Variants in ZFHX3 observed in about 807,000 individuals in gnomAD.
The protein encoded by ZFHX3 is zinc finger homeobox protein 3.
Under a neutral mutation model 279.1 loss-of-function variants are expected in ZFHX3, and 42 were observed. That is an observed-to-expected ratio of 0.15 (90% CI 0.12 to 0.19). The LOEUF is 0.19. Among genes scored for constraint, ZFHX3 ranks in the 10% least tolerant of loss-of-function variants. ZFHX3 has a pLI of 1.00. For synonymous variants in ZFHX3, 2,293 were observed against 1,957.8 expected, an observed-to-expected ratio of 1.17 and a Z score of -4.52; for missense variants, 4,981 against 4,754.0, an observed-to-expected ratio of 1.05 and a Z score of -1.40.
At chr16:73,443,622 T>A (rs1421110198) in intron 3 of ZFHX3, among the ~76,000 whole-genome samples, 1 of 152,212 alleles carries the variant, frequency 6.6e-6, no homozygotes, top group Non-Finnish European at 1.5e-5. Context: ...TTCCTTCTCT[T>A]TCCCATTCCC....
chr16:73,857,572 C>T (rs2142386374), intron 1 of ZFHX3, among the ~76,000 whole-genome samples: 1 of 152,292 alleles, frequency 6.6e-6, no homozygotes, highest in South Asian at 2.1e-4. Flanking sequence ...GTTTGTTCTA[C>T]ACTGAAGTCT....
At chr16:73,062,894 C>G (rs1386675438), upstream of ZFHX3, among the ~76,000 whole-genome samples, 2 of 152,252 alleles carry the variant, frequency 1.3e-5, no homozygotes, top group Non-Finnish European at 2.9e-5. Flanking sequence ...GTACGTGTTG[C>G]AGTCCTTTCA....
chr16:73,428,819 C>T (rs181270635), intron 3 of ZFHX3, among the ~76,000 whole-genome samples: 1 of 152,100 alleles, frequency 6.6e-6, no homozygotes, highest in Non-Finnish European at 1.5e-5. Flanking sequence ...GGTCTGAGGC[C>T]CTTCTATAAG....
At chr16:73,870,581 C>A (rs1962135977) in intron 1 of ZFHX3, among the ~76,000 whole-genome samples, 1 of 152,160 alleles carries the variant, frequency 6.6e-6, no homozygotes, top group Non-Finnish European at 1.5e-5. Context: ...CAAGACTTGA[C>A]TAGGAAAATG....
rs144060509 is a variant in ZFHX3 at position 73,352,099 on chromosome 16, C to A, written c.-1290-33763G>T. On this transcript the variant is annotated intron_variant, in intron 3 of 17. Transcript: ENST00000641206. ...TCACTTCCATTCAGACTGAGAGAAA[C>A]TTACATATTTCTTTCAGTCTGGGGA... 4.7e-4 allele frequency among the ~76,000 whole-genome samples: 71 copies of A among 152,294 alleles called. 1 individual carries two copies. The highest frequency in any genetic ancestry group is 1.6e-3 in the African/African-American group (67 of 41,560).
At chr16:73,627,469 T>A (rs1567536684) in intron 2 of ZFHX3, among the ~76,000 whole-genome samples, 1 of 152,240 alleles carries the variant, frequency 6.6e-6, no homozygotes, top group Non-Finnish European at 1.5e-5. Flanking sequence ...GCTCAAAGAC[T>A]GACTGATCAG....
chr16:73,821,262 G>C (rs543126470), intron 1 of ZFHX3, among the ~76,000 whole-genome samples: 8 of 152,326 alleles, frequency 5.3e-5, no homozygotes, highest in South Asian at 2.1e-4. Context: ...ATCAGCTGTT[G>C]TTCTTCCCCA....
chr16:73,355,245 T>TTCTTC (rs1389991891), intron 3 of ZFHX3, among the ~76,000 whole-genome samples: 1 of 152,228 alleles, frequency 6.6e-6, no homozygotes, highest in African/African-American at 2.4e-5. Flanking sequence ...TTTCTGCCTT[T>TTCTTC]TCTTCTCTTC....
intron 2 of ZFHX3, among the ~76,000 whole-genome samples, chr16:73,509,521 CTTTTTTTTTTTT>C (rs531436437): frequency 1.7e-4 from 18 of 102,962 alleles, no homozygotes; most frequent in African/African-American, 6.2e-4. Flanking sequence ...TTTCCCTCTC[CTTTTTTTTTTTT>C]TTTTTTTTTT....
intron 5 of ZFHX3, among the ~76,000 whole-genome samples, chr16:73,252,910 A>G (rs1254298294): frequency 6.6e-6 from 1 of 152,218 alleles, no homozygotes; most frequent in Non-Finnish European, 1.5e-5. Flanking sequence ...CCGGAGTCCA[A>G]AGAGAGGGGA....
At chr16:73,473,907 C>A (rs1033786381) in intron 2 of ZFHX3, among the ~76,000 whole-genome samples, 3 of 152,076 alleles carry the variant, frequency 2.0e-5, no homozygotes, top group African/African-American at 4.8e-5. Context: ...GTTGGCCAGG[C>A]CTGCTCCCTT....
intron 4 of ZFHX3, among the ~76,000 whole-genome samples, chr16:73,306,831 C>A (rs1408632689): frequency 2.0e-5 from 3 of 152,220 alleles, no homozygotes; most frequent in Non-Finnish European, 2.9e-5. Context: ...GTTCTACCCA[C>A]AGCCAATGCT....
chr16:73,627,904 C>A (rs1342642859), intron 2 of ZFHX3, among the ~76,000 whole-genome samples: 1 of 152,056 alleles, frequency 6.6e-6, no homozygotes, highest in Non-Finnish European at 1.5e-5. Flanking sequence ...GGCGACAGAG[C>A]AAGACTCCAT....
In ZFHX3 at chr16:72,798,179, A is replaced by C; in HGVS notation, c.4503T>G (p.Asp1501Glu). 2.5e-6 allele frequency: 4 copies of C among 1,614,136 alleles called. No individual in the cohort carries two copies. The highest frequency in any genetic ancestry group is 3.4e-6 in the Non-Finnish European group (4 of 1,180,036). The change falls in exon 9 of 10, where the codon GAT becomes GAG. Residue 1501 changes from aspartate to glutamate, a missense_variant. This residue lies in a region of ZFHX3 where 1,751 missense variants were observed against 1,770.0 expected (regional missense o/e 0.99). Coordinates refer to ENST00000268489, the MANE Select transcript of ZFHX3 (RefSeq NM_006885.4). The part of the protein sequence containing the change: ...EDKEEESDLE[D>E]KQSPTGSDSG... ...AGTCACTGCCCGTTGGGCTCTGTTT[A>C]TCTTCCAAGTCACTCTCTTCCTCCT... is the stretch of plus-strand genomic sequence containing the variant.
intron 1 of ZFHX3, among the ~76,000 whole-genome samples, chr16:73,788,127 T>C (rs1259790669): frequency 6.6e-6 from 1 of 152,112 alleles, no homozygotes; most frequent in East Asian, 1.9e-4. Context: ...ACAGTAGCTG[T>C]AGGAGAAGGT....
chr16:73,785,188 G>A (rs967455137), intron 1 of ZFHX3, among the ~76,000 whole-genome samples: 10 of 152,052 alleles, frequency 6.6e-5, no homozygotes, highest in African/African-American at 1.9e-4. Flanking sequence ...CATTATAATT[G>A]TATTAATAAA....
chr16:72,825,019 C>T (rs1245033102), intron 5 of ZFHX3, among the ~76,000 whole-genome samples: 3 of 152,220 alleles, frequency 2.0e-5, no homozygotes, highest in East Asian at 1.9e-4. Flanking sequence ...AAGATGTGCC[C>T]GCAAGGGCCT....
intron 3 of ZFHX3, among the ~76,000 whole-genome samples, chr16:72,917,251 TAAAC>T (rs1485907728): frequency 2.6e-5 from 4 of 151,662 alleles, no homozygotes; most frequent in Non-Finnish European, 4.4e-5. Flanking sequence ...AATAAATAAA[TAAAC>T]AAACAAAGGA....
At chr16:73,098,810 C>A (rs1966197589) in intron 7 of ZFHX3, 1 of 152,222 alleles carries the variant, frequency 6.6e-6, no homozygotes, top group South Asian at 2.1e-4. Context: ...GTCAACGCCG[C>A]CGCTTCAAAG....
Sources: gnomAD v4.1 joint callset for allele counts (sites outside exome capture counted in the v4.1 genomes callset) on GRCh38, gnomAD v4.1.1 for gene constraint, gnomAD v4.1.1 regional missense constraint, MANE v1.5 for transcripts, NCBI Gene and HGNC (gene_info 2026-07-23, HGNC 2026-07-21) for gene names.